Variants in MYSM1 observed in about 807,000 individuals in gnomAD.
MYSM1 encodes the protein deubiquitinase MYSM1.
In MYSM1, 51 loss-of-function variants were observed where a neutral mutation model predicts 116.0. The ratio of observed to expected loss-of-function variants is 0.44; its 90% confidence interval spans 0.35 to 0.56. The LOEUF is 0.56. Ranked by LOEUF, MYSM1 falls within the 20% of genes least tolerant of loss-of-function variation. The probability of loss-of-function intolerance (pLI) is 0.00; values close to 1 mark genes in which losing one functional copy is unlikely to be tolerated. For missense variants in MYSM1, 900 were observed against 974.9 expected, an observed-to-expected ratio of 0.92 and a Z score of 1.02; for synonymous variants, 313 against 315.2, an observed-to-expected ratio of 0.99 and a Z score of 0.07.
At chr1:58,665,935 T>C (rs971856379) in intron 16 of MYSM1, among the ~76,000 whole-genome samples, 1 of 152,056 alleles carries the variant, frequency 6.6e-6, no homozygotes, top group Non-Finnish European at 1.5e-5. Context: ...CACGTGCCTG[T>C]AACCCCAGCT....
rs771255462 is a variant in MYSM1, at chr1:58,656,915, GATACA to G, written c.*3077_*3081del. On this transcript the variant is annotated 3_prime_UTR_variant, in exon 20 of 20. Transcript: ENST00000472487. ...AATATTAATACATTCATTTCATACAGATACAATTGTAAAATATCACTTTTAATTTT... is the reference window on the plus strand; with the variant it reads ...AATATTAATACATTCATTTCATACAGATTGTAAAATATCACTTTTAATTTT... 6.6e-6 allele frequency: 1 copy of G among 152,120 alleles called. No homozygotes were observed. The highest frequency in any genetic ancestry group is 1.5e-5 in the Non-Finnish European group (1 of 68,028). 9.4% of individuals were successfully genotyped at this position (152,120 alleles called of 1,614,324 possible). A position where few individuals can be genotyped will look rare whatever the true frequency, so the allele number is the denominator to read the frequency against.
intron 6 of MYSM1, 74 bp from the exon 7 acceptor site, chr1:58,685,325 T>A (rs1009835684): frequency 1.9e-5 from 12 of 633,362 alleles, no homozygotes; most frequent in South Asian, 2.8e-5. Context: ...ACTACCACAT[T>A]AAAAAAAAAA....
chr1:58,668,481 C>A, intron 14 of MYSM1, 151 bp downstream of exon 14: 1 of 1,357,670 alleles, frequency 7.4e-7, no homozygotes, highest in South Asian at 2.0e-5. Flanking sequence ...TGGCTTTTCT[C>A]CAAAAGAAAA....
Position 58,667,915 on chromosome 1 carries a change from G to A in MYSM1, c.1774C>T (p.His592Tyr). 1 of 1,611,364 alleles carries A rather than the reference G, an allele frequency of 6.2e-7. No homozygotes were observed. Among genetic ancestry groups the A allele is most frequent in the Non-Finnish European group, 8.5e-7 (1 of 1,177,688 alleles). ...CCAATCACTTCTGCCATAGAAACAT[G>A]AGCATGCTAAAAGAAATACAAGACA... is the stretch of plus-strand genomic sequence containing the variant. The part of the protein sequence containing the change: ...EALLIMDLHA[H>Y]VSMAEVIGLL... The change falls in exon 15 of 20, where the codon CAT becomes TAT. Residue 592 changes from histidine to tyrosine, a missense_variant. Around this residue, in one of 3 missense-constraint regions of MYSM1, gnomAD observed 92 missense variants for 155.0 expected, o/e 0.59. Coordinates refer to ENST00000472487, the MANE Select transcript of MYSM1 (RefSeq NM_001085487.3).
At chr1:58,661,676 G>A (rs752640092) in intron 17 of MYSM1, among the ~76,000 whole-genome samples, 165 bp from the exon 18 acceptor site, 2 of 152,120 alleles carry the variant, frequency 1.3e-5, no homozygotes, top group South Asian at 2.1e-4. Flanking sequence ...TTTATTGCCC[G>A]ATTGTACTTG....
chr1:58,678,693 T>C (rs1644692239), intron 8 of MYSM1, among the ~76,000 whole-genome samples: 1 of 152,028 alleles, frequency 6.6e-6, no homozygotes, highest in Non-Finnish European at 1.5e-5. Flanking sequence ...ATAAAGAAAA[T>C]AAAATACAGG....
At chr1:58,676,775 A>T in intron 9 of MYSM1, 151 bp downstream of exon 9, 1 of 710,090 alleles carries the variant, frequency 1.4e-6, no homozygotes, top group Non-Finnish European at 2.0e-6. Flanking sequence ...CCAACAGTAA[A>T]ATCTTAATAA....
At position 58,688,543 on chromosome 1, in the gene MYSM1, G is replaced by A. The variant is rs374355604; in HGVS notation, c.399+495C>T. Among the ~76,000 whole-genome samples, 12 of 151,214 alleles carry A rather than the reference G, an allele frequency of 7.9e-5. No individual in the cohort carries two copies. In the East Asian group the frequency reaches 2.3e-3, roughly 29 times the overall value. ...CTTGTGAACATTTAAATAGATTTCA[G>A]TGTAATAGACATTCACGCAAAAAAA... On this transcript the variant is annotated intron_variant, in intron 6 of 19. Transcript: ENST00000472487.
At position 58,677,704 on chromosome 1, in the gene MYSM1, C is replaced by A. The variant is rs138648999; in HGVS notation, c.1260-648G>T. 2.2e-3 allele frequency among the ~76,000 whole-genome samples: 328 copies of A among 152,100 alleles called. 2 individuals carry two copies. The highest frequency in any genetic ancestry group is 7.6e-3 in the African/African-American group (315 of 41,496). ...ACTTAATGTACCTTGCTAGATGGTA[C>A]AACATAAAATTCGAGTAATAAAGAA... is the stretch of plus-strand genomic sequence containing the variant. On this transcript the variant is annotated intron_variant, in intron 8 of 19. Coordinates refer to ENST00000472487, the MANE Select transcript of MYSM1 (RefSeq NM_001085487.3).
At chr1:58,698,360 A>AC in intron 1 of MYSM1, among the ~76,000 whole-genome samples, 1 of 151,584 alleles carries the variant, frequency 6.6e-6, no homozygotes, top group South Asian at 2.1e-4. Context: ...TCGGTCTCCC[A>AC]AAGTGCTGGG....
chr1:58,672,324 T>C (rs1000525107), intron 11 of MYSM1, among the ~76,000 whole-genome samples: 3 of 152,120 alleles, frequency 2.0e-5, no homozygotes, highest in African/African-American at 4.8e-5. Flanking sequence ...TGCAGAGTAA[T>C]GATTAAGAAC....
At chr1:58,677,466 C>G (rs1278517927) in intron 8 of MYSM1, among the ~76,000 whole-genome samples, 1 of 152,046 alleles carries the variant, frequency 6.6e-6, no homozygotes, top group Non-Finnish European at 1.5e-5. Flanking sequence ...TCTTATTTTG[C>G]TTAACAGTGT....
chr1:58,698,709 GTAAATTAAA>G (rs1193012055), intron 1 of MYSM1, among the ~76,000 whole-genome samples: 5 of 152,146 alleles, frequency 3.3e-5, no homozygotes, highest in African/African-American at 1.2e-4. Context: ...GTTGCGAAAA[GTAAATTAAA>G]TCAAACATGC....
In MYSM1 at chr1:58,675,538, C is replaced by T. The variant is rs779040700; in HGVS notation, c.1433G>A (p.Arg478Gln). The T allele has an allele frequency of 1.7e-5, 27 of 1,613,514 alleles. No homozygotes were observed. The highest frequency in any genetic ancestry group is 1.0e-4 in the Admixed American group (6 of 59,968). ...TACTGCATCTTTTCTGTCTCTGATT[C>T]GTACTTTGTCAACTGTTTGTGGCCT... ...YNRPQTVDKV[R>Q]IRDRKDAVEA... The change falls in exon 10 of 20, where the codon CGA becomes CAA. Residue 478 changes from arginine to glutamine, a missense_variant. Physicochemically the swap from Arg to Gln is conservative, Grantham distance 43 (BLOSUM62 1). Around this residue, in one of 3 missense-constraint regions of MYSM1, gnomAD observed 622 missense variants for 623.7 expected, o/e 1.00. Coordinates refer to ENST00000472487, the MANE Select transcript of MYSM1 (RefSeq NM_001085487.3).
intron 6 of MYSM1, among the ~76,000 whole-genome samples, chr1:58,688,561 C>CAA (rs57437493): frequency 3.9e-4 from 55 of 142,840 alleles, no homozygotes; most frequent in African/African-American, 1.3e-3. Flanking sequence ...GACATTCACG[C>CAA]AAAAAAAAAA....
Position 58,676,963 on chromosome 1 carries a change from T to C in MYSM1, c.1353A>G (p.Thr451=). The part of the protein sequence containing the change: ...GDVNCIGRIH[T]YLELIGAINF... The stretch of plus-strand genomic sequence containing the variant: ...TGATTGCTCCTATCAATTCGAGGTA[T>C]GTATGAATCCGTCCAATACAATTAA... Residue 451 remains threonine, a synonymous_variant, in exon 9 of 20, where the codon ACA becomes ACG. Coordinates refer to ENST00000472487, the MANE Select transcript of MYSM1 (RefSeq NM_001085487.3). The C allele has an allele frequency of 2.5e-6, 4 of 1,612,528 alleles. No individual in the cohort carries two copies. Among genetic ancestry groups the C allele is most frequent in the African/African-American group, 1.3e-5 (1 of 74,994 alleles).
intron 12 of MYSM1, among the ~76,000 whole-genome samples, chr1:58,671,548 A>G (rs902348271): frequency 1.3e-5 from 2 of 152,146 alleles, no homozygotes; most frequent in African/African-American, 4.8e-5. Flanking sequence ...CTTGCTAACA[A>G]TTAGTACCAC....
intron 15 of MYSM1, 126 bp from the exon 16 acceptor site, chr1:58,667,352 T>C (rs232794): frequency 3.2e-6 from 2 of 622,318 alleles, no homozygotes; most frequent in Admixed American, 3.7e-5. Flanking sequence ...AATACCACAG[T>C]TGCCTTTAAC....
chr1:58,675,314 T>C (rs767935880), intron 10 of MYSM1, among the ~76,000 whole-genome samples, 163 bp downstream of exon 10: 1 of 152,168 alleles, frequency 6.6e-6, no homozygotes, highest in Non-Finnish European at 1.5e-5. Context: ...CAACATGAAA[T>C]TGAATGAAAC....
Sources: gnomAD v4.1 joint callset for allele counts (sites outside exome capture counted in the v4.1 genomes callset) on GRCh38, gnomAD v4.1.1 for gene constraint, gnomAD v4.1.1 regional missense constraint, MANE v1.5 for transcripts, NCBI Gene and HGNC (gene_info 2026-07-23, HGNC 2026-07-21) for gene names.